Variants in MAGI3 observed in about 807,000 individuals in gnomAD.
The protein encoded by MAGI3 is membrane-associated guanylate kinase, WW and PDZ domain-containing protein 3.
In MAGI3, 43 loss-of-function variants were observed where a neutral mutation model predicts 121.8. That is an observed-to-expected ratio of 0.35 (90% CI 0.28 to 0.46). The LOEUF is 0.46. MAGI3 is among the 20% of genes least tolerant of loss of function. The pLI, the probability that MAGI3 is intolerant of heterozygous loss-of-function variation, is 1.00. For synonymous variants in MAGI3, 553 were observed against 639.3 expected, an observed-to-expected ratio of 0.86 and a Z score of 2.04; for missense variants, 1,547 against 1,797.3, an observed-to-expected ratio of 0.86 and a Z score of 2.52.
At chr1:113,542,585 A>C (rs926161434) in intron 1 of MAGI3, among the ~76,000 whole-genome samples, 14 of 152,120 alleles carry the variant, frequency 9.2e-5, no homozygotes, top group African/African-American at 3.4e-4. Flanking sequence ...CTTTGGGCTC[A>C]CTCTCATTCA....
At chr1:113,505,380 C>G (rs935591818) in intron 1 of MAGI3, among the ~76,000 whole-genome samples, 1 of 151,994 alleles carries the variant, frequency 6.6e-6, no homozygotes, top group Non-Finnish European at 1.5e-5. Flanking sequence ...TTAACTAGCT[C>G]AAATAAACAC....
rs565137413 is a variant in MAGI3, at chr1:113,634,392, A to G, written c.1361-7519A>G. ...TAGGTCTAACGTTTAAGTCTAATCC[A>G]TCTTGAATTAATTTTTGTATAAGGT... On this transcript the variant is annotated intron_variant, in intron 9 of 20. Transcript: ENST00000307546. Among the ~76,000 whole-genome samples, 39 of 152,256 alleles carry G rather than the reference A, an allele frequency of 2.6e-4. No homozygotes were observed. The South Asian group carries it at 7.9e-3, about 31-fold the overall frequency.
At chr1:113,591,987 A>G (rs896927557) in intron 5 of MAGI3, among the ~76,000 whole-genome samples, 4 of 152,146 alleles carry the variant, frequency 2.6e-5, no homozygotes, top group African/African-American at 9.6e-5. Flanking sequence ...GGAAGAAAAC[A>G]TAGGGAAAAA....
At chr1:113,679,968 G>GT (rs1648117732) in intron 19 of MAGI3, among the ~76,000 whole-genome samples, 2 of 152,116 alleles carry the variant, frequency 1.3e-5, no homozygotes, top group African/African-American at 4.8e-5. Flanking sequence ...GCCTCCCAGA[G>GT]AGCTGGGATT....
At chr1:113,613,635 T>C (rs1650294216) in intron 6 of MAGI3, among the ~76,000 whole-genome samples, 1 of 152,126 alleles carries the variant, frequency 6.6e-6, no homozygotes, top group Admixed American at 6.5e-5. Context: ...GCAGAAGCAT[T>C]CTTAAGAGAA....
At chr1:113,682,717 C>T in intron 20 of MAGI3, 180 bp from the exon 21 acceptor site, 1 of 980,974 alleles carries the variant, frequency 1.0e-6, no homozygotes, top group East Asian at 1.1e-4. Context: ...CATGTATGAA[C>T]AGATGTCTGT....
At chr1:113,493,072 C>G (rs1023537058) in intron 1 of MAGI3, among the ~76,000 whole-genome samples, 3 of 151,986 alleles carry the variant, frequency 2.0e-5, no homozygotes, top group African/African-American at 7.3e-5. Context: ...AAAAAGAGCC[C>G]AAATAGCCAA....
intron 1 of MAGI3, among the ~76,000 whole-genome samples, chr1:113,418,463 C>T (rs1652568677): frequency 6.6e-6 from 1 of 152,070 alleles, no homozygotes; most frequent in Admixed American, 6.6e-5. Flanking sequence ...TGAGTCTTAC[C>T]CAAATCAAGT....
chr1:113,571,648 G>T (rs1448101806), intron 2 of MAGI3, among the ~76,000 whole-genome samples: 1 of 152,084 alleles, frequency 6.6e-6, no homozygotes, highest in Non-Finnish European at 1.5e-5. Flanking sequence ...TATTCTCTTT[G>T]TAGCAATTGT....
intron 2 of MAGI3, among the ~76,000 whole-genome samples, chr1:113,555,585 T>C (rs1017372431): frequency 1.3e-5 from 2 of 152,162 alleles, no homozygotes; most frequent in African/African-American, 4.8e-5. Flanking sequence ...CAAGAACTGA[T>C]AGATTTAAGA....
intron 1 of MAGI3, chr1:113,449,712 G>A: frequency 2.3e-6 from 2 of 872,322 alleles, no homozygotes; most frequent in Non-Finnish European, 3.9e-6. Context: ...GGAGGGCCAT[G>A]ATCCAAAGGA....
At chr1:113,660,479 G>A (rs1146184) in intron 16 of MAGI3, among the ~76,000 whole-genome samples, 22 of 151,534 alleles carry the variant, frequency 1.5e-4, no homozygotes, top group East Asian at 3.9e-4. Flanking sequence ...GCCTTCCCCC[G>A]CAACCGCAAC....
intron 1 of MAGI3, among the ~76,000 whole-genome samples, chr1:113,426,661 A>G (rs776906846): frequency 3.3e-5 from 5 of 152,186 alleles, no homozygotes; most frequent in Non-Finnish European, 7.3e-5. Context: ...TGTCTCTAAT[A>G]ATTTTCTTTG....
chr1:113,629,765 TCCCTCC>T (rs1651498478), intron 9 of MAGI3, among the ~76,000 whole-genome samples: 2 of 106,236 alleles, frequency 1.9e-5, no homozygotes, highest in African/African-American at 6.6e-5. Flanking sequence ...TCTCTCTCCC[TCCCTCC>T]CTCCCTCCCT....
At position 113,641,114 on chromosome 1, in the gene MAGI3, A is replaced by G. The variant is rs1229823392; in HGVS notation, c.1361-797A>G. ...TATTATATATATGATATATAAATAT[A>G]TATGAGATATATATTATATATATGA... On this transcript the variant is annotated intron_variant, in intron 9 of 20. Coordinates refer to ENST00000307546, the MANE Select transcript of MAGI3 (RefSeq NM_001142782.2). Among the ~76,000 whole-genome samples, 4 of 90,424 alleles carry G rather than the reference A, an allele frequency of 4.4e-5. 1 individual carries two copies. The highest frequency in any genetic ancestry group is 1.5e-4 in the African/African-American group (4 of 26,474). The allele number at this position is 90,424 out of a possible 152,430, so 59.3% of individuals were successfully genotyped here. A position where few individuals can be genotyped will look rare whatever the true frequency, so the allele number is the denominator to read the frequency against.
intron 2 of MAGI3, among the ~76,000 whole-genome samples, chr1:113,570,479 A>G (rs1013469419): frequency 6.6e-6 from 1 of 152,160 alleles, no homozygotes; most frequent in Non-Finnish European, 1.5e-5. Context: ...TGTCTTCCAC[A>G]ATGGTTGAAC....
intron 1 of MAGI3, among the ~76,000 whole-genome samples, chr1:113,497,253 C>T (rs1240401228): frequency 9.5e-6 from 1 of 105,594 alleles, no homozygotes; most frequent in Non-Finnish European, 2.0e-5. Flanking sequence ...CAGCTCCCAG[C>T]GTGAGCGACG....
chr1:113,417,706 A>T (rs564943195), intron 1 of MAGI3, among the ~76,000 whole-genome samples: 3 of 151,976 alleles, frequency 2.0e-5, no homozygotes, highest in African/African-American at 7.3e-5. Context: ...TTCTTCCCTC[A>T]TTCATAGCAT....
chr1:113,616,948 A>G (rs976606089), intron 7 of MAGI3, among the ~76,000 whole-genome samples: 5 of 149,446 alleles, frequency 3.3e-5, no homozygotes, highest in Non-Finnish European at 7.4e-5. Context: ...CAGCAGCACG[A>G]TCTTGGCTCA....
Sources: allele counts gnomAD v4.1 joint callset (sites outside exome capture counted in the v4.1 genomes callset), GRCh38; gene constraint gnomAD v4.1.1; transcripts MANE v1.5; gene names NCBI Gene and HGNC (gene_info 2026-07-23, HGNC 2026-07-21).